Variants in ZBTB20 observed in about 807,000 individuals in gnomAD.
The protein encoded by ZBTB20 is zinc finger and BTB domain-containing protein 20.
ZBTB20 carries 9 observed loss-of-function variants against 56.9 expected under a neutral mutation model. The observed-to-expected ratio is 0.16, with a 90% confidence interval of 0.10 to 0.28. The LOEUF (loss-of-function observed/expected upper bound fraction) is 0.28, where lower values mean the gene tolerates loss of function less well. Ranked by LOEUF, ZBTB20 falls within the 10% of genes least tolerant of loss-of-function variation. The pLI is 1.00. For missense variants in ZBTB20, 655 were observed against 1,003.0 expected (o/e 0.65, Z 4.69); for synonymous variants, 417 against 420.7 (o/e 0.99, Z 0.11).
At chr3:114,641,725 C>T (rs1174551794) in intron 6 of ZBTB20, among the ~76,000 whole-genome samples, 3 of 151,632 alleles carry the variant, frequency 2.0e-5, no homozygotes, top group African/African-American at 7.3e-5. Flanking sequence ...TTTCTGAAAT[C>T]TTAATTTGAC....
intron 5 of ZBTB20, among the ~76,000 whole-genome samples, chr3:114,752,044 T>C (rs922494370): frequency 7.2e-5 from 11 of 152,188 alleles, no homozygotes; most frequent in Non-Finnish European, 8.8e-5. Context: ...ATAGCATTTA[T>C]TGAACTCTAC....
intron 2 of ZBTB20, among the ~76,000 whole-genome samples, chr3:114,989,374 CTTGTTT>C (rs1316449554): frequency 6.6e-6 from 1 of 152,088 alleles, no homozygotes; most frequent in Non-Finnish European, 1.5e-5. Context: ...TTCCCTATTT[CTTGTTT>C]TTGTCAGGTT....
chr3:114,844,403 C>T (rs1163749152), intron 4 of ZBTB20, among the ~76,000 whole-genome samples: 3 of 132,794 alleles, frequency 2.3e-5, no homozygotes, highest in Non-Finnish European at 4.6e-5. Context: ...TACCTACAGT[C>T]CCAGCTACTG....
At chr3:114,925,449 T>A (rs1203753584) in intron 3 of ZBTB20, among the ~76,000 whole-genome samples, 1 of 152,244 alleles carries the variant, frequency 6.6e-6, no homozygotes, top group Non-Finnish European at 1.5e-5. Flanking sequence ...CATCTGTTGA[T>A]TTTCTTTATC....
intron 3 of ZBTB20, among the ~76,000 whole-genome samples, chr3:114,940,216 T>C (rs1000151362): frequency 2.7e-5 from 4 of 146,326 alleles, no homozygotes; most frequent in African/African-American, 2.8e-5. Context: ...GAATTGTTTA[T>C]AGAAAGTGCA....
chr3:114,660,283 C>T (rs967008435), intron 6 of ZBTB20, among the ~76,000 whole-genome samples: 4 of 152,142 alleles, frequency 2.6e-5, no homozygotes, highest in Non-Finnish European at 5.9e-5. Flanking sequence ...GGATACAGTG[C>T]ATTTTCACAT....
At position 114,380,274 on chromosome 3, in the gene ZBTB20, G is replaced by A. The variant is rs1272917077; in HGVS notation, c.142C>T (p.Leu48Phe). Residue 48 changes from leucine to phenylalanine, a missense_variant, in exon 10 of 12, where the codon CTC (leucine) becomes TTC (phenylalanine). By Grantham distance (22) the Leu-to-Phe change is conservative. Coordinates refer to ENST00000675478, the MANE Select transcript of ZBTB20 (RefSeq NM_001348800.3). The stretch of plus-strand genomic sequence containing the variant: ...GTCAGTGAATGTGTTGAGTGGATGA[G>A]GGCTGGGTCTGGAGACAAAACAGCT... ...FEAVLSPDPA[L>F]IHSTHSLTNS... 1.3e-6 allele frequency: 2 copies of A among 1,537,180 alleles called. No homozygotes were observed. Among genetic ancestry groups the A allele is most frequent in the East Asian group, 4.9e-5 (2 of 40,898 alleles).
At chr3:114,340,453 G>T (rs2079672959) in intron 11 of ZBTB20, among the ~76,000 whole-genome samples, 1 of 152,118 alleles carries the variant, frequency 6.6e-6, no homozygotes, top group Non-Finnish European at 1.5e-5. Flanking sequence ...TCAGCCTGTT[G>T]GCGGAAACCC....
chr3:114,721,441 T>C (rs1331132693), intron 5 of ZBTB20, among the ~76,000 whole-genome samples: 2 of 152,140 alleles, frequency 1.3e-5, no homozygotes, highest in South Asian at 2.1e-4. Flanking sequence ...GTACAGGAAA[T>C]AACATGTTCT....
chr3:115,033,118 T>C (rs1285485657), intron 2 of ZBTB20, among the ~76,000 whole-genome samples: 2 of 151,092 alleles, frequency 1.3e-5, no homozygotes, highest in African/African-American at 4.8e-5. Context: ...AACCTTTGGA[T>C]ATATATACTA....
chr3:114,504,565 C>CAT (rs2044381309), intron 6 of ZBTB20, among the ~76,000 whole-genome samples: 1 of 152,198 alleles, frequency 6.6e-6, no homozygotes, highest in Admixed American at 6.5e-5. Flanking sequence ...TTCTTGTCCT[C>CAT]ATGGAACTTC....
chr3:114,711,983 A>G (rs1050032812), intron 5 of ZBTB20, among the ~76,000 whole-genome samples: 1 of 152,220 alleles, frequency 6.6e-6, no homozygotes, highest in African/African-American at 2.4e-5. Context: ...TCCATCTTGT[A>G]TCCCAAGTTC....
chr3:115,143,313 TC>T (rs2084871143), intron 1 of ZBTB20, among the ~76,000 whole-genome samples: 1 of 152,220 alleles, frequency 6.6e-6, no homozygotes, highest in Non-Finnish European at 1.5e-5. Context: ...TTTGCAGGTC[TC>T]TCCTCTTTAA....
intron 3 of ZBTB20, among the ~76,000 whole-genome samples, chr3:114,947,970 A>G (rs2076939733): frequency 6.9e-6 from 1 of 145,880 alleles, no homozygotes; most frequent in South Asian, 2.1e-4. Context: ...TGAGAATAAT[A>G]TAACTATGCA....
intron 4 of ZBTB20, among the ~76,000 whole-genome samples, chr3:114,814,821 C>T (rs944787365): frequency 1.3e-5 from 2 of 152,192 alleles, no homozygotes; most frequent in Non-Finnish European, 2.9e-5. Context: ...GTGTGTTTCA[C>T]TCAATAACCC....
intron 11 of ZBTB20, among the ~76,000 whole-genome samples, chr3:114,348,823 G>A (rs1204972751): frequency 6.6e-6 from 1 of 152,088 alleles, no homozygotes; most frequent in Non-Finnish European, 1.5e-5. Flanking sequence ...GAGAAACAAG[G>A]TTGTTTTGAG....
chr3:114,924,644 G>C (rs1289734578), intron 3 of ZBTB20, among the ~76,000 whole-genome samples: 1 of 152,072 alleles, frequency 6.6e-6, no homozygotes, highest in Non-Finnish European at 1.5e-5. Context: ...GTACAGAATG[G>C]GTGGTGAAGA....
chr3:114,574,795 C>T (rs1327735586), intron 6 of ZBTB20, among the ~76,000 whole-genome samples: 1 of 152,310 alleles, frequency 6.6e-6, no homozygotes, highest in East Asian at 1.9e-4. Flanking sequence ...GAACCTATGA[C>T]AGCTCCTGGT....
rs1314012383 is a variant in ZBTB20 at position 115,024,907 on chromosome 3, T to C, written c.-507+46312A>G. Among the ~76,000 whole-genome samples, 6 of 151,348 alleles carry C rather than the reference T, an allele frequency of 4.0e-5. No homozygotes were observed. In the East Asian group the frequency reaches 1.2e-3, roughly 29 times the overall value. On this transcript the variant is annotated intron_variant, in intron 2 of 11. Transcript: ENST00000675478. The stretch of plus-strand genomic sequence containing the variant: ...ACTACTGTTACTAAAATAGAAATTA[T>C]ATATCGATTTAAAATTATAAAATTT...
Sources: gnomAD v4.1 joint callset for allele counts (sites outside exome capture counted in the v4.1 genomes callset) on GRCh38, gnomAD v4.1.1 for gene constraint, MANE v1.5 for transcripts, NCBI Gene and HGNC (gene_info 2026-07-23, HGNC 2026-07-21) for gene names.